DPYSL2: variants seen among roughly 807,000 people sequenced by gnomAD.
DPYSL2 encodes dihydropyrimidinase like 2.
A neutral mutation model predicts 69.9 loss-of-function variants in DPYSL2; 13 were observed. That is an observed-to-expected ratio of 0.19 (90% confidence interval 0.12 to 0.30). The LOEUF is 0.30. Among genes scored for constraint, DPYSL2 ranks in the 10% least tolerant of loss-of-function variants. DPYSL2 has a pLI of 1.00. For missense variants in DPYSL2, 587 were observed against 918.9 expected, an observed-to-expected ratio of 0.64 and a Z score of 4.67; for synonymous variants, 326 against 359.1, an observed-to-expected ratio of 0.91 and a Z score of 1.04.
chr8:26,517,354 G>A lies in DPYSL2; in HGVS notation c.354+2675G>A, dbSNP rs890789512. 5.9e-5 allele frequency among the ~76,000 whole-genome samples: 9 copies of A among 152,208 alleles called. No individual in the cohort carries two copies. Among genetic ancestry groups the A allele is most frequent in the African/African-American group, 1.9e-4 (8 of 41,460 alleles). ...TATGAGCCAGACAGCACCAGAAAGCGATGGGTGTGGCTTGACTCGGCATGT... is the reference window on the plus strand; with the variant it reads ...TATGAGCCAGACAGCACCAGAAAGCAATGGGTGTGGCTTGACTCGGCATGT... On this transcript the variant is annotated intron_variant, in intron 1 of 13. Coordinates refer to ENST00000521913, the MANE Select transcript of DPYSL2 (RefSeq NM_001197293.3). This position sits in a 1 kb window ranked among gnomAD's most constrained non-coding sequence, Gnocchi z 4.2.
intron 1 of DPYSL2, among the ~76,000 whole-genome samples, chr8:26,542,792 C>T (rs17055439): frequency 0.013 from 1,961 of 152,184 alleles, 21 homozygotes; most frequent in Middle Eastern, 0.075. Flanking sequence ...AAGCAAAGAA[C>T]AAAGTTGTCC....
chr8:26,652,086 A>G lies in DPYSL2; in HGVS notation c.1597-171A>G, dbSNP rs375864565. Reference sequence around the variant, plus strand: ...GAAAAAGTTATTTCATATTCTAGACAGGGAAATGGAGACACAGCAAGTAAG... The same window carrying G: ...GAAAAAGTTATTTCATATTCTAGACGGGGAAATGGAGACACAGCAAGTAAG... On this transcript the variant is annotated intron_variant, in intron 11 of 13. Transcript: ENST00000521913. The surrounding 1 kb of genome is among the most constrained non-coding windows in gnomAD (Gnocchi z 6.3). 3.3e-5 allele frequency among the ~76,000 whole-genome samples: 5 copies of G among 152,156 alleles called. No individual in the cohort carries two copies. Among genetic ancestry groups the G allele is most frequent in the Admixed American group, 2.6e-4 (4 of 15,276 alleles).
At position 26,605,828 on chromosome 8, in the gene DPYSL2, A is replaced by G. The variant is rs13249543; in HGVS notation, c.629-18315A>G. Among the ~76,000 whole-genome samples the G allele has an allele frequency of 0.24, 36,155 of 152,096 alleles. 4,901 individuals are homozygous for G. The highest frequency in any genetic ancestry group is 0.41 in the East Asian group (2,098 of 5,168). ...TCTTAAATAAATTAAAAGAAATGCT[A>G]TGTTAGTGAACAGAAAAACCCAATA... On this transcript the variant is annotated intron_variant, in intron 3 of 13. Transcript: ENST00000521913. This position sits in a 1 kb window ranked among gnomAD's most constrained non-coding sequence, Gnocchi z 4.1.
In DPYSL2 at chr8:26,627,847, G is replaced by A; in HGVS notation, c.937-25G>A. The A allele has an allele frequency of 9.3e-6, 15 of 1,612,126 alleles. No homozygotes were observed. The highest frequency in any genetic ancestry group is 1.3e-5 in the Non-Finnish European group (15 of 1,179,572). On this transcript the variant is annotated intron_variant, in intron 6 of 13. Coordinates refer to ENST00000521913, the MANE Select transcript of DPYSL2 (RefSeq NM_001197293.3). The surrounding 1 kb of genome is among the most constrained non-coding windows in gnomAD (Gnocchi z 6.9). ...TGTGCAAAATCCACTCTCCCTCACAGCCTGACTTTCTCTAAACATTGCAGG... is the reference window on the plus strand; with the variant it reads ...TGTGCAAAATCCACTCTCCCTCACAACCTGACTTTCTCTAAACATTGCAGG...
chr8:26,579,187 G>A (rs1021205735), intron 1 of DPYSL2, among the ~76,000 whole-genome samples: 1 of 152,256 alleles, frequency 6.6e-6, no homozygotes, highest in Non-Finnish European at 1.5e-5. Context: ...TGATCGCGGC[G>A]GCCGGAGGGC....
At position 26,591,820 on chromosome 8, in the gene DPYSL2, G is replaced by A. The variant is rs927975813; in HGVS notation, c.628+7837G>A. On this transcript the variant is annotated intron_variant, in intron 3 of 13. Transcript: ENST00000521913. This position sits in a 1 kb window ranked among gnomAD's most constrained non-coding sequence, Gnocchi z 5.8. The stretch of plus-strand genomic sequence containing the variant: ...CCCAGAGCTTGGGGAAGCACAGGAT[G>A]GAAACCAACCCATCCTGGCACTGCC... Among the ~76,000 whole-genome samples, 2 of 152,044 alleles carry A rather than the reference G, an allele frequency of 1.3e-5. No individual in the cohort carries two copies. Among genetic ancestry groups the A allele is most frequent in the Admixed American group, 6.5e-5 (1 of 15,270 alleles).
At position 26,648,491 on chromosome 8, in the gene DPYSL2, T is replaced by G. The variant is rs1803218120; in HGVS notation, c.1596+691T>G. Among the ~76,000 whole-genome samples the G allele has an allele frequency of 6.6e-6, 1 of 152,188 alleles. No individual in the cohort carries two copies. The highest frequency in any genetic ancestry group is 2.4e-5 in the African/African-American group (1 of 41,432). ...GGGGTTCAGACGAGGTCTCCAAGTGTCCTGTGATTCTGTGAGGTCAGCAGA... is the reference window on the plus strand; with the variant it reads ...GGGGTTCAGACGAGGTCTCCAAGTGGCCTGTGATTCTGTGAGGTCAGCAGA... On this transcript the variant is annotated intron_variant, in intron 11 of 13. Transcript: ENST00000521913. The surrounding 1 kb of genome is among the most constrained non-coding windows in gnomAD (Gnocchi z 4.3).
chr8:26,533,245 G>T lies in DPYSL2; in HGVS notation c.354+18566G>T, dbSNP rs1215975610. Among the ~76,000 whole-genome samples, 1 of 152,134 alleles carries T rather than the reference G, an allele frequency of 6.6e-6. No homozygotes were observed. Among genetic ancestry groups the T allele is most frequent in the Non-Finnish European group, 1.5e-5 (1 of 68,030 alleles). On this transcript the variant is annotated intron_variant, in intron 1 of 13. Coordinates refer to ENST00000521913, the MANE Select transcript of DPYSL2 (RefSeq NM_001197293.3). This position sits in a 1 kb window ranked among gnomAD's most constrained non-coding sequence, Gnocchi z 4.8. ...ATATTTGCCATTTTGTGGTTGAGCTGTAAGAGTTCTTTATATATTCTGGAT... is the reference window on the plus strand; with the variant it reads ...ATATTTGCCATTTTGTGGTTGAGCTTTAAGAGTTCTTTATATATTCTGGAT...
intron 1 of DPYSL2, among the ~76,000 whole-genome samples, chr8:26,568,702 GAGAT>G (rs1801190680): frequency 4.1e-5 from 4 of 97,848 alleles, no homozygotes; most frequent in African/African-American, 2.3e-4. Flanking sequence ...ATTCTTTTAA[GAGAT>G]GAAAACTCCT....
intron 1 of DPYSL2, among the ~76,000 whole-genome samples, chr8:26,568,795 C>T (rs1378219387): frequency 2.0e-5 from 3 of 152,116 alleles, no homozygotes; most frequent in Non-Finnish European, 4.4e-5. Flanking sequence ...GATTCTGAAT[C>T]AAGGAGGGCC....
Position 26,656,391 on chromosome 8 carries a change from T to C in DPYSL2, c.*685T>C, listed in dbSNP as rs891354427. On this transcript the variant is annotated 3_prime_UTR_variant, in exon 14 of 14. Transcript: ENST00000521913. ...GTCAGCTGTTGATAAAGGGGCAGGC[T>C]TGCGTTATTGGCCTAGATTTTGCTG... The C allele has an allele frequency of 4.6e-5, 7 of 152,620 alleles. No homozygotes were observed. The highest frequency in any genetic ancestry group is 8.8e-5 in the Non-Finnish European group (6 of 68,050). The allele number at this position is 152,620 out of a possible 1,614,324, so 9.5% of individuals were successfully genotyped here. A position where few individuals can be genotyped will look rare whatever the true frequency, so the allele number is the denominator to read the frequency against.
chr8:26,644,239 T>C lies in DPYSL2; in HGVS notation c.1425+148T>C. On this transcript the variant is annotated intron_variant, in intron 10 of 13. Transcript: ENST00000521913. The surrounding 1 kb of genome is among the most constrained non-coding windows in gnomAD (Gnocchi z 4.5). ...ACTTATATGACAATATTTCTGAGGG[T>C]TGGAAATCTAAGACCTCTTCTAATA... The C allele has an allele frequency of 1.1e-6, 1 of 950,882 alleles. No individual in the cohort carries two copies. Among genetic ancestry groups the C allele is most frequent in the South Asian group, 2.6e-5 (1 of 38,688 alleles). 58.9% of individuals were successfully genotyped at this position (950,882 alleles called of 1,614,324 possible). A position where few individuals can be genotyped will look rare whatever the true frequency, so the allele number is the denominator to read the frequency against.
intron 1 of DPYSL2, among the ~76,000 whole-genome samples, chr8:26,552,656 C>T (rs544854296): frequency 6.6e-6 from 1 of 152,304 alleles, no homozygotes; most frequent in Non-Finnish European, 1.5e-5. Context: ...AGGTGCAGGG[C>T]ATCACATGTG....
intron 1 of DPYSL2, among the ~76,000 whole-genome samples, chr8:26,522,459 T>G (rs996756265): frequency 1.3e-5 from 2 of 152,268 alleles, no homozygotes; most frequent in Admixed American, 1.3e-4. Flanking sequence ...CATTTTGCGT[T>G]GCCACCAGCA....
rs558320121 is a variant in DPYSL2, at chr8:26,567,984, G to GCA, written c.355-13983_355-13982dup. Among the ~76,000 whole-genome samples the GCA allele has an allele frequency of 3.0e-4, 45 of 152,260 alleles. No homozygotes were observed. The East Asian group carries it at 8.3e-3, about 28-fold the overall frequency. ...CCTGAGCCCCGAGGGACATATGCAG[G>GCA]CACTCATTCCTCCACTGGTTTGGCA... is the stretch of plus-strand genomic sequence containing the variant. On this transcript the variant is annotated intron_variant, in intron 1 of 13. Transcript: ENST00000521913.
chr8:26,544,984 T>C (rs1053804926), intron 1 of DPYSL2, among the ~76,000 whole-genome samples: 2 of 152,144 alleles, frequency 1.3e-5, no homozygotes, highest in African/African-American at 2.4e-5. Context: ...ATATACACAC[T>C]CAACATCAGA....
intron 1 of DPYSL2, among the ~76,000 whole-genome samples, chr8:26,531,695 A>G (rs1165593724): frequency 6.6e-6 from 1 of 152,250 alleles, no homozygotes; most frequent in Non-Finnish European, 1.5e-5. Flanking sequence ...GGTGCTTAAT[A>G]AAGGGCGATT....
At position 26,634,811 on chromosome 8, in the gene DPYSL2, C is replaced by G. The variant is rs1207114764; in HGVS notation, c.1037C>G (p.Thr346Ser). The change falls in exon 8 of 14, where the codon ACC becomes AGC. Residue 346 changes from threonine (T) to serine (S), a missense_variant. By Grantham distance (58) the Thr-to-Ser change is moderately conservative. Transcript: ENST00000521913. ...GCCGAAGCCGTGAATCGTGCCATCA[C>G]CATCGCCAACCAGACCAACTGCCCG... is the stretch of plus-strand genomic sequence containing the variant. ...VEAEAVNRAI[T>S]IANQTNCPLY... 6.2e-7 allele frequency: 1 copy of G among 1,614,216 alleles called. No homozygotes were observed. Among genetic ancestry groups the G allele is most frequent in the East Asian group, 2.2e-5 (1 of 44,874 alleles).
intron 1 of DPYSL2, among the ~76,000 whole-genome samples, chr8:26,546,507 A>T (rs985099195): frequency 2.0e-5 from 3 of 152,102 alleles, no homozygotes; most frequent in Non-Finnish European, 4.4e-5. Flanking sequence ...ACACCTTTAT[A>T]TTTATTGTGT....
Sources: gnomAD v4.1 joint callset for allele counts (sites outside exome capture counted in the v4.1 genomes callset) on GRCh38, gnomAD v4.1.1 for gene constraint, Gnocchi (gnomAD v3.1) non-coding constraint, MANE v1.5 for transcripts, NCBI Gene and HGNC (gene_info 2026-07-23, HGNC 2026-07-21) for gene names.